TMEM117: variants seen among roughly 807,000 people sequenced by gnomAD.
TMEM117 encodes the protein transmembrane protein 117.
TMEM117 carries 27 observed loss-of-function variants against 52.4 expected under a neutral mutation model. The ratio of observed to expected loss-of-function variants is 0.51; its 90% CI spans 0.38 to 0.71. The LOEUF is 0.71. Ranked by LOEUF, TMEM117 falls within the 30% of genes least tolerant of loss-of-function variation. The probability of loss-of-function intolerance (pLI) is 0.00; values close to 1 mark genes in which losing one functional copy is unlikely to be tolerated. For missense variants in TMEM117, 556 were observed against 630.5 expected (o/e 0.88, Z 1.26); for synonymous variants, 215 against 206.3 (o/e 1.04, Z -0.36).
intron 6 of TMEM117, among the ~76,000 whole-genome samples, chr12:44,332,335 A>G (rs911948123): frequency 1.3e-5 from 2 of 152,100 alleles, no homozygotes; most frequent in African/African-American, 2.4e-5. Context: ...GAAGGTGGAA[A>G]AAATATCTTC....
intron 2 of TMEM117, among the ~76,000 whole-genome samples, chr12:43,870,804 G>GAC: frequency 1.3e-5 from 2 of 152,182 alleles, no homozygotes; most frequent in South Asian, 4.2e-4. Context: ...TTCTTTTTGA[G>GAC]ACGGAGTATC....
chr12:44,344,651 C>T (rs375851725), intron 6 of TMEM117, among the ~76,000 whole-genome samples: 1 of 151,516 alleles, frequency 6.6e-6, no homozygotes, highest in Admixed American at 6.6e-5. Context: ...TTGGTGGAGT[C>T]GAAGAAAAAA....
chr12:44,014,531 T>C (rs1468029477), intron 3 of TMEM117, among the ~76,000 whole-genome samples: 1 of 152,198 alleles, frequency 6.6e-6, no homozygotes, highest in Non-Finnish European at 1.5e-5. Context: ...GATAACACTT[T>C]GAAAACCACT....
intron 3 of TMEM117, among the ~76,000 whole-genome samples, chr12:43,953,188 A>G (rs145173966): frequency 1.3e-5 from 2 of 152,234 alleles, no homozygotes; most frequent in East Asian, 3.9e-4. Context: ...ACCAGCTACT[A>G]CAAAAACACA....
chr12:44,184,125 C>A (rs1949243864), intron 4 of TMEM117, among the ~76,000 whole-genome samples: 2 of 152,048 alleles, frequency 1.3e-5, no homozygotes, highest in South Asian at 4.1e-4. Context: ...GCGGGCGGAT[C>A]ACTTGAGGTC....
At chr12:43,868,396 T>A (rs1318701514) in intron 2 of TMEM117, among the ~76,000 whole-genome samples, 23 of 149,190 alleles carry the variant, frequency 1.5e-4, no homozygotes, top group African/African-American at 2.0e-4. Context: ...ATAATAATAA[T>A]AAAAAAAAAG....
intron 6 of TMEM117, among the ~76,000 whole-genome samples, chr12:44,299,972 T>TA (rs1224380901): frequency 6.6e-6 from 1 of 152,100 alleles, no homozygotes; most frequent in East Asian, 1.9e-4. Context: ...GGTGGGCCCC[T>TA]AGAAACCATA....
intron 3 of TMEM117, among the ~76,000 whole-genome samples, chr12:44,014,220 C>T (rs1351349960): frequency 6.6e-6 from 1 of 152,072 alleles, no homozygotes; most frequent in Non-Finnish European, 1.5e-5. Flanking sequence ...TTGCAGAGTT[C>T]CAGTCACCCC....
At chr12:44,298,415 TG>T (rs1352168197) in intron 5 of TMEM117, among the ~76,000 whole-genome samples, 1 of 145,982 alleles carries the variant, frequency 6.9e-6, no homozygotes, top group African/African-American at 2.8e-5. Context: ...TTCAAGTAAT[TG>T]TTTTTTTTTT....
At chr12:44,300,086 T>G (rs577313103) in intron 6 of TMEM117, among the ~76,000 whole-genome samples, 1 of 152,188 alleles carries the variant, frequency 6.6e-6, no homozygotes, top group South Asian at 2.1e-4. Context: ...GCTGCAGACA[T>G]GAGGATTATA....
At chr12:43,813,619 G>A in the TMEM117 span, among the ~76,000 whole-genome samples, 8 of 151,856 alleles carry the variant, frequency 5.3e-5, no homozygotes, top group Non-Finnish European at 8.8e-5. Context: ...TTCACACAGT[G>A]TGCCAGCCTA....
chr12:43,833,189 T>C (rs958928019), upstream of TMEM117, among the ~76,000 whole-genome samples: 10 of 152,204 alleles, frequency 6.6e-5, no homozygotes, highest in African/African-American at 2.2e-4. Flanking sequence ...TTCTTAAAAT[T>C]ATTATTATAT....
chr12:44,079,851 A>T (rs1452164895), intron 3 of TMEM117, among the ~76,000 whole-genome samples: 1 of 151,912 alleles, frequency 6.6e-6, no homozygotes, highest in Non-Finnish European at 1.5e-5. Flanking sequence ...CCTCATCTCT[A>T]CTAAAAATAA....
chr12:43,865,181 A>T (rs1943567898), intron 2 of TMEM117, among the ~76,000 whole-genome samples: 1 of 152,120 alleles, frequency 6.6e-6, no homozygotes, highest in Non-Finnish European at 1.5e-5. Flanking sequence ...CCAAGAACCC[A>T]CCAATTCCGA....
intron 3 of TMEM117, among the ~76,000 whole-genome samples, chr12:44,090,849 G>GTTTTTTTTTTTTT (rs541939145): frequency 5.8e-4 from 59 of 101,606 alleles, no homozygotes; most frequent in African/African-American, 1.3e-3. Context: ...GTTTTTTTTT[G>GTTTTTTTTTTTTT]TTTTTTTTTT....
chr12:43,807,564 A>G, the TMEM117 span, among the ~76,000 whole-genome samples: 4 of 152,232 alleles, frequency 2.6e-5, no homozygotes, highest in Non-Finnish European at 5.9e-5. Context: ...AGAAAATTGC[A>G]GAGTTGACTT....
chr12:44,080,062 G>A (rs1392445280), intron 3 of TMEM117, among the ~76,000 whole-genome samples: 2 of 148,788 alleles, frequency 1.3e-5, no homozygotes, highest in South Asian at 2.1e-4. Context: ...CTTTCTCTAC[G>A]TATACTGAGG....
chr12:44,274,665 C>T (rs1950490438), intron 5 of TMEM117, among the ~76,000 whole-genome samples: 1 of 152,028 alleles, frequency 6.6e-6, no homozygotes, highest in Admixed American at 6.6e-5. Context: ...CTACAGTGTA[C>T]TCATTTTTAA....
At chr12:44,172,746 A>G (rs781579020) in intron 4 of TMEM117, among the ~76,000 whole-genome samples, 1 of 152,004 alleles carries the variant, frequency 6.6e-6, no homozygotes, top group Non-Finnish European at 1.5e-5. Flanking sequence ...TTTTTTTGAG[A>G]CTGAGTTTCG....
Sources: allele counts gnomAD v4.1 joint callset (sites outside exome capture counted in the v4.1 genomes callset), GRCh38; gene constraint gnomAD v4.1.1; transcripts MANE v1.5; gene names NCBI Gene and HGNC (gene_info 2026-07-23, HGNC 2026-07-21).